The following EYS variants were observed in gnomAD, a reference collection of about 807,000 sequenced individuals.
EYS encodes EGF-like photoreceptor maintenance factor, also known as protein eyes shut homolog.
Under a neutral mutation model 282.1 loss-of-function variants are expected in EYS, and 250 were observed. That is an observed-to-expected ratio of 0.89 (90% confidence interval 0.80 to 0.98). The LOEUF is 0.98. Among genes scored for constraint, EYS ranks in the 50% least tolerant of loss-of-function variants. EYS has a pLI of 0.00. For synonymous variants in EYS, 1,355 were observed against 1,282.9 expected (o/e 1.06, Z -1.20); for missense variants, 4,016 against 3,709.0 (o/e 1.08, Z -2.15).
intron 35 of EYS, among the ~76,000 whole-genome samples, chr6:63,918,943 A>G (rs1764493566): frequency 6.6e-6 from 1 of 152,204 alleles, no homozygotes; most frequent in Non-Finnish European, 1.5e-5. Flanking sequence ...ATACATTTGC[A>G]AGAATTTGTA....
In EYS at chr6:64,082,617, CAG is replaced by C. The variant is rs536959344; in HGVS notation, c.6425-617_6425-616del. On this transcript the variant is annotated intron_variant, in intron 31 of 42. Transcript: ENST00000503581. ...ACACAAAGGTTAGAGAACTGTCACA[CAG>C]AGGAATTTTATTAATGTTCATTAAT... Among the ~76,000 whole-genome samples the C allele has an allele frequency of 5.1e-3, 775 of 152,096 alleles. 1 individual carries two copies. Among genetic ancestry groups the C allele is most frequent in the African/African-American group, 0.018 (739 of 41,518 alleles).
chr6:65,020,259 C>A (rs1344934733), intron 13 of EYS, among the ~76,000 whole-genome samples: 1 of 152,182 alleles, frequency 6.6e-6, no homozygotes, highest in Non-Finnish European at 1.5e-5. Context: ...CAAGTCCCTT[C>A]TACCTATGAG....
intron 33 of EYS, among the ~76,000 whole-genome samples, chr6:64,010,150 C>T (rs1421490092): frequency 2.0e-5 from 3 of 152,178 alleles, no homozygotes; most frequent in Non-Finnish European, 4.4e-5. Flanking sequence ...ATTTCCAGTC[C>T]GCTGGCCAGA....
Position 64,369,787 on chromosome 6 carries a change from G to T in EYS, c.6078+18903C>A, listed in dbSNP as rs557657759. On this transcript the variant is annotated intron_variant, in intron 29 of 42. Transcript: ENST00000503581. ...TTCCTAGGTATTTTATTCTTTTTGTGGCTATTGTGAATGGGATTGCATTCT... is the reference window on the plus strand; with the variant it reads ...TTCCTAGGTATTTTATTCTTTTTGTTGCTATTGTGAATGGGATTGCATTCT... 1.5e-4 allele frequency among the ~76,000 whole-genome samples: 23 copies of T among 151,994 alleles called. No individual in the cohort carries two copies. In the East Asian group the frequency reaches 4.5e-3, roughly 30 times the overall value.
intron 11 of EYS, chr6:65,329,517 G>A (rs1769718861): frequency 7.1e-6 from 7 of 981,768 alleles, no homozygotes; most frequent in Non-Finnish European, 8.5e-6. Flanking sequence ...TTTCAAGACT[G>A]GCCCCAACCC....
chr6:64,766,250 G>A (rs1773329519), intron 22 of EYS, among the ~76,000 whole-genome samples: 1 of 151,386 alleles, frequency 6.6e-6, no homozygotes, highest in East Asian at 2.0e-4. Flanking sequence ...TCCCTTCCCT[G>A]ATCTGCCCTT....
chr6:65,085,248 T>C (rs1386399728), intron 12 of EYS, among the ~76,000 whole-genome samples: 2 of 152,190 alleles, frequency 1.3e-5, no homozygotes. Flanking sequence ...AGAGCTTTCT[T>C]GCTTTTATGA....
chr6:65,061,529 C>T (rs528977489), intron 12 of EYS, among the ~76,000 whole-genome samples: 4 of 151,958 alleles, frequency 2.6e-5, no homozygotes, highest in African/African-American at 7.2e-5. Flanking sequence ...AACTGATGAA[C>T]GTACATTGAC....
intron 8 of EYS, among the ~76,000 whole-genome samples, chr6:65,354,270 A>G (rs1464279404): frequency 1.3e-5 from 2 of 152,068 alleles, no homozygotes; most frequent in Non-Finnish European, 2.9e-5. Flanking sequence ...AGGGCTATGT[A>G]TTCTCTTTAG....
At chr6:65,158,177 C>A (rs1277788564) in intron 12 of EYS, among the ~76,000 whole-genome samples, 2 of 150,810 alleles carry the variant, frequency 1.3e-5, no homozygotes, top group African/African-American at 4.8e-5. Context: ...TCACCAGTCA[C>A]AATAAACTAT....
intron 34 of EYS, among the ~76,000 whole-genome samples, chr6:63,987,499 A>G (rs1406922510): frequency 6.6e-6 from 1 of 151,714 alleles, no homozygotes. Context: ...GAATTCTCAT[A>G]ATTTAGATGT....
intron 1 of EYS, among the ~76,000 whole-genome samples, chr6:65,641,657 C>A (rs1022329439): frequency 1.3e-5 from 2 of 152,182 alleles, no homozygotes; most frequent in African/African-American, 2.4e-5. Context: ...TGTTTTACTG[C>A]ACTCTTTTTA....
At chr6:64,404,785 G>T (rs921079954) in intron 28 of EYS, among the ~76,000 whole-genome samples, 2 of 152,154 alleles carry the variant, frequency 1.3e-5, no homozygotes, top group Non-Finnish European at 2.9e-5. Flanking sequence ...TGGACTGGCA[G>T]AATTAGGTAA....
In EYS at chr6:64,593,151, T is replaced by C; in HGVS notation, c.3843A>G (p.Ile1281Met). 1.3e-6 allele frequency: 2 copies of C among 1,540,842 alleles called. No individual in the cohort carries two copies. Among genetic ancestry groups the C allele is most frequent in the Non-Finnish European group, 1.8e-6 (2 of 1,142,784 alleles). Reference protein sequence around the residue: ...SSFPSIKATRIPAIMDTYPVD... With the variant: ...SSFPSIKATRMPAIMDTYPVD... ...CTGGGTAAGTGTCCATTATGGCTGG[T>C]ATTCTAGTAGCCTTTATAGATGGAA... is the stretch of plus-strand genomic sequence containing the variant. The change falls in exon 25 of 43, where the codon ATA (isoleucine) becomes ATG (methionine). Residue 1281 changes from isoleucine to methionine, a missense_variant. Transcript: ENST00000503581.
intron 7 of EYS, among the ~76,000 whole-genome samples, chr6:65,398,093 TA>T (rs1430219761): frequency 6.6e-6 from 1 of 152,098 alleles, no homozygotes; most frequent in Non-Finnish European, 1.5e-5. Context: ...GCTGACTTTT[TA>T]GTGGGGTTAT....
At chr6:65,484,400 G>A (rs562107722) in intron 5 of EYS, among the ~76,000 whole-genome samples, 2 of 152,304 alleles carry the variant, frequency 1.3e-5, no homozygotes, top group Admixed American at 6.5e-5. Context: ...TTCCAGAAGT[G>A]TGAGATATAG....
At chr6:65,204,251 T>C (rs1332969243) in intron 12 of EYS, among the ~76,000 whole-genome samples, 2 of 151,996 alleles carry the variant, frequency 1.3e-5, no homozygotes, top group Non-Finnish European at 2.9e-5. Context: ...TACCAAGGCA[T>C]ACAGTCATAA....
At position 65,457,300 on chromosome 6, in the gene EYS, G is replaced by A. The variant is rs117718848; in HGVS notation, c.862+33294C>T. ...CTGTCTCAGACTCCTATGTTTCTGT[G>A]ACCACAGGCATGTGCCACCATGCTC... On this transcript the variant is annotated intron_variant, in intron 5 of 42. Coordinates refer to ENST00000503581, the MANE Select transcript of EYS (RefSeq NM_001142800.2). Among the ~76,000 whole-genome samples, 12 of 152,154 alleles carry A rather than the reference G, an allele frequency of 7.9e-5. No individual in the cohort carries two copies. In the East Asian group the frequency reaches 2.3e-3, roughly 30 times the overall value.
chr6:65,020,214 CA>C (rs1272225566), intron 13 of EYS, among the ~76,000 whole-genome samples: 6 of 152,130 alleles, frequency 3.9e-5, no homozygotes, highest in Non-Finnish European at 1.5e-5. Context: ...AGCATTAACT[CA>C]AAAGTCCAAT....
Sources: allele counts gnomAD v4.1 joint callset (sites outside exome capture counted in the v4.1 genomes callset), GRCh38; gene constraint gnomAD v4.1.1; transcripts MANE v1.5; gene names NCBI Gene and HGNC (gene_info 2026-07-23, HGNC 2026-07-21).